Variants in ANO3 observed in about 807,000 individuals in gnomAD.
ANO3 encodes anoctamin-3.
Under a neutral mutation model 144.8 loss-of-function variants are expected in ANO3, and 99 were observed. The observed-to-expected ratio is 0.68, with a 90% CI of 0.58 to 0.81. The LOEUF is 0.81. Among genes scored for constraint, ANO3 ranks in the 30% least tolerant of loss-of-function variants. The probability of loss-of-function intolerance (pLI) is 0.00; values close to 1 mark genes in which losing one functional copy is unlikely to be tolerated. For missense variants in ANO3, 905 were observed against 1,202.2 expected (o/e 0.75, Z 3.66); for synonymous variants, 414 against 392.6 (o/e 1.05, Z -0.64).
chr11:26,225,314 T>C (rs1339445390), intron 1 of ANO3, among the ~76,000 whole-genome samples: 3 of 152,058 alleles, frequency 2.0e-5, no homozygotes, highest in Non-Finnish European at 4.4e-5. Flanking sequence ...ATTATAAATA[T>C]AATATTAAGT....
At chr11:26,565,329 G>T in intron 14 of ANO3, 8 of 1,611,554 alleles carry the variant, frequency 5.0e-6, no homozygotes, top group Non-Finnish European at 6.8e-6. Flanking sequence ...CACAGATGGA[G>T]AAGTTGGTTC....
chr11:26,418,086 C>A (rs1456424721), intron 1 of ANO3, among the ~76,000 whole-genome samples: 1 of 151,836 alleles, frequency 6.6e-6, no homozygotes, highest in Non-Finnish European at 1.5e-5. Flanking sequence ...AAACTATGTT[C>A]AAAAAAGATG....
At chr11:26,505,136 G>C (rs378043) in intron 4 of ANO3, among the ~76,000 whole-genome samples, 3,955 of 151,650 alleles carry the variant, frequency 0.026, 145 homozygotes, top group African/African-American at 0.086. Flanking sequence ...AATGGTGGAA[G>C]TAATGAAGGT....
chr11:26,482,456 G>A (rs1860260650), intron 4 of ANO3, among the ~76,000 whole-genome samples: 1 of 147,748 alleles, frequency 6.8e-6, no homozygotes, highest in Non-Finnish European at 1.5e-5. Context: ...GTGTGTGTGT[G>A]TGTGTGTGTG....
At chr11:26,569,319 A>G (rs951354404) in intron 14 of ANO3, among the ~76,000 whole-genome samples, 7 of 152,170 alleles carry the variant, frequency 4.6e-5, no homozygotes, top group African/African-American at 7.2e-5. Context: ...GGGGTAGTTC[A>G]GTATGTTGTG....
At chr11:26,599,828 C>G in intron 17 of ANO3, 114 bp downstream of exon 17, 1 of 835,098 alleles carries the variant, frequency 1.2e-6, no homozygotes, top group South Asian at 2.5e-5. Context: ...AAGACCAAGC[C>G]ACATTTCTGT....
At chr11:26,564,755 A>AGTT (rs1565109110) in intron 14 of ANO3, among the ~76,000 whole-genome samples, 3,671 of 86,114 alleles carry the variant, frequency 0.043, 245 homozygotes, top group Non-Finnish European at 0.064. Context: ...ATATATATAT[A>AGTT]TATATATATA....
intron 10 of ANO3, among the ~76,000 whole-genome samples, chr11:26,540,505 A>G (rs1413458705): frequency 6.6e-6 from 1 of 152,190 alleles, no homozygotes; most frequent in Non-Finnish European, 1.5e-5. Flanking sequence ...AACTATCATC[A>G]GAGTGAACAG....
At chr11:26,191,532 C>T (rs772147237) in intron 1 of ANO3, among the ~76,000 whole-genome samples, 15 of 152,116 alleles carry the variant, frequency 9.9e-5, no homozygotes, top group Non-Finnish European at 1.8e-4. Flanking sequence ...CGAAGCACAA[C>T]TCTCACCCAT....
intron 10 of ANO3, 99 bp from the exon 11 acceptor site, chr11:26,541,848 T>C (rs11029601): frequency 0.014 from 15,762 of 1,146,662 alleles, 296 homozygotes; most frequent in Admixed American, 0.094. Context: ...AAGCTTTCAA[T>C]AAGTTGTTAA....
chr11:26,363,706 G>T lies in ANO3; in HGVS notation c.46+31385G>T, dbSNP rs181016650. ...TATGCTTTATGAGGATATATTCTTGGGTTGTTTTTATATTGTTGAGGCAAA... is the reference window on the plus strand; with the variant it reads ...TATGCTTTATGAGGATATATTCTTGTGTTGTTTTTATATTGTTGAGGCAAA... On this transcript the variant is annotated intron_variant, in intron 1 of 26. Coordinates refer to ENST00000256737, the MANE Select transcript of ANO3 (RefSeq NM_031418.4). Among the ~76,000 whole-genome samples the T allele has an allele frequency of 7.6e-4, 115 of 152,118 alleles. 1 individual carries two copies. In the Middle Eastern group the frequency reaches 0.017, roughly 22 times the overall value.
intron 1 of ANO3, among the ~76,000 whole-genome samples, chr11:26,325,326 T>C (rs536501135): frequency 6.6e-5 from 10 of 152,170 alleles, no homozygotes; most frequent in Admixed American, 2.6e-4. Flanking sequence ...ATTTGTTAAC[T>C]ATACTGAAAA....
At chr11:26,440,640 A>G (rs1858478847) in intron 1 of ANO3, among the ~76,000 whole-genome samples, 1 of 152,140 alleles carries the variant, frequency 6.6e-6, no homozygotes, top group African/African-American at 2.4e-5. Flanking sequence ...GAAGTTGTGG[A>G]AGAGAAAAGA....
intron 4 of ANO3, among the ~76,000 whole-genome samples, chr11:26,482,227 A>G (rs1440926266): frequency 1.3e-5 from 2 of 151,314 alleles, no homozygotes; most frequent in East Asian, 1.9e-4. Context: ...TAATTTTATT[A>G]TTATTATACT....
intron 24 of ANO3, among the ~76,000 whole-genome samples, chr11:26,651,943 T>C (rs12577354): frequency 0.21 from 31,822 of 152,132 alleles, 3,517 homozygotes; most frequent in East Asian, 0.33. Flanking sequence ...TTGGTCATAA[T>C]AACTCATTCT....
intron 1 of ANO3, among the ~76,000 whole-genome samples, chr11:26,257,694 T>C (rs1853091661): frequency 6.6e-6 from 1 of 152,026 alleles, no homozygotes; most frequent in African/African-American, 2.4e-5. Flanking sequence ...AATTTTAACT[T>C]TATGCTGCTA....
intron 24 of ANO3, among the ~76,000 whole-genome samples, chr11:26,655,062 A>T (rs943764299): frequency 6.6e-6 from 1 of 152,028 alleles, no homozygotes; most frequent in Non-Finnish European, 1.5e-5. Flanking sequence ...TTGCAGGAGG[A>T]TTTGTAGAAG....
chr11:26,463,429 C>T (rs1359904332), intron 4 of ANO3, among the ~76,000 whole-genome samples: 1 of 151,756 alleles, frequency 6.6e-6, no homozygotes, highest in Non-Finnish European at 1.5e-5. Flanking sequence ...CTTCATCTTT[C>T]TTAGCATGAC....
intron 17 of ANO3, among the ~76,000 whole-genome samples, chr11:26,615,067 T>G (rs1852211881): frequency 6.6e-6 from 1 of 151,340 alleles, no homozygotes; most frequent in African/African-American, 2.4e-5. Context: ...TATTTATCTC[T>G]GTATATAGGT....
Sources: allele counts gnomAD v4.1 joint callset (sites outside exome capture counted in the v4.1 genomes callset), GRCh38; gene constraint gnomAD v4.1.1; transcripts MANE v1.5; gene names NCBI Gene and HGNC (gene_info 2026-07-23, HGNC 2026-07-21).